Variants in PTGIS observed in about 807,000 individuals in gnomAD.
The protein encoded by PTGIS is prostaglandin I2 synthase, also known as prostacyclin synthase.
PTGIS carries 45 observed loss-of-function variants against 50.3 expected under a neutral mutation model. The observed-to-expected ratio is 0.90, with a 90% CI of 0.70 to 1.15. The LOEUF (loss-of-function observed/expected upper bound fraction) is 1.15. Ranked by LOEUF, PTGIS falls within the 50% of genes most tolerant of loss-of-function variation. PTGIS has a pLI of 0.00. For synonymous variants in PTGIS, 260 were observed against 267.7 expected, an observed-to-expected ratio of 0.97 and a Z score of 0.28; for missense variants, 668 against 661.3, an observed-to-expected ratio of 1.01 and a Z score of -0.11.
intron 4 of PTGIS, 52 bp downstream of exon 4, chr20:49,544,253 A>C: frequency 6.2e-7 from 1 of 1,609,906 alleles, no homozygotes. Context: ...CATGGCTGAC[A>C]CAGGTCAAAG....
chr20:49,509,011 G>A (rs747691449), intron 9 of PTGIS, among the ~76,000 whole-genome samples: 2 of 152,338 alleles, frequency 1.3e-5, no homozygotes, highest in East Asian at 1.9e-4. Flanking sequence ...GGATTCTTTT[G>A]TCTCACTGAA....
At chr20:49,542,067 A>C (rs1424780785) in intron 4 of PTGIS, among the ~76,000 whole-genome samples, 1 of 152,204 alleles carries the variant, frequency 6.6e-6, no homozygotes, top group Non-Finnish European at 1.5e-5. Context: ...CAGCATTCCC[A>C]GGCAAGGGAA....
At chr20:49,560,736 C>A (rs1982750415) in intron 1 of PTGIS, among the ~76,000 whole-genome samples, 1 of 152,094 alleles carries the variant, frequency 6.6e-6, no homozygotes, top group Non-Finnish European at 1.5e-5. Flanking sequence ...GGGGTGGGAG[C>A]ATGCTCGGTG....
In PTGIS at chr20:49,504,896, G is replaced by T. The variant is rs919293582; in HGVS notation, c.*3024C>A. On this transcript the variant is annotated 3_prime_UTR_variant, in exon 10 of 10. Transcript: ENST00000244043. ...TCCCAGCACTTTGGGAGGCCGAGGC[G>T]GGCAGATCACGAGCTCAGGAGATCA... 6.6e-6 allele frequency: 1 copy of T among 151,630 alleles called. No homozygotes were observed. The allele number at this position is 151,630 out of a possible 1,614,324, so 9.4% of individuals were successfully genotyped here. A position where few individuals can be genotyped will look rare whatever the true frequency, so the allele number is the denominator to read the frequency against.
chr20:49,513,345 G>A, intron 7 of PTGIS, 84 bp from the exon 8 acceptor site: 1 of 1,476,254 alleles, frequency 6.8e-7, no homozygotes, highest in Middle Eastern at 2.3e-4. Context: ...TTTTACAGAG[G>A]AAGATGAAGA....
chr20:49,526,045 G>A (rs1276433759), intron 5 of PTGIS, among the ~76,000 whole-genome samples: 1 of 152,172 alleles, frequency 6.6e-6, no homozygotes, highest in Non-Finnish European at 1.5e-5. Context: ...AAAGCAATAA[G>A]CTTAAGTGTT....
intron 6 of PTGIS, among the ~76,000 whole-genome samples, chr20:49,519,127 C>A (rs1001221869): frequency 2.6e-5 from 4 of 152,232 alleles, no homozygotes; most frequent in Non-Finnish European, 5.9e-5. Context: ...GGAAACTCTC[C>A]TCCGTCTGCC....
In PTGIS at chr20:49,507,911, C is replaced by T. The variant is rs1187568174; in HGVS notation, c.*9G>A. ...AGAGGCGAGCACGTGGATCCATCTG[C>T]TCCCTGTGTCATGGGCGGATGCGGT... is the stretch of plus-strand genomic sequence containing the variant. On this transcript the variant is annotated 3_prime_UTR_variant, in exon 10 of 10. Coordinates refer to ENST00000244043, the MANE Select transcript of PTGIS (RefSeq NM_000961.4). The T allele has an allele frequency of 6.2e-7, 1 of 1,610,690 alleles. No individual in the cohort carries two copies. Among genetic ancestry groups the T allele is most frequent in the East Asian group, 2.2e-5 (1 of 44,896 alleles).
At position 49,523,671 on chromosome 20, in the gene PTGIS, C is replaced by T. The variant is rs946642952; in HGVS notation, c.855+387G>A. Among the ~76,000 whole-genome samples, 7 of 151,930 alleles carry T rather than the reference C, an allele frequency of 4.6e-5. No individual in the cohort carries two copies. In the East Asian group the frequency reaches 7.7e-4, roughly 17 times the overall value. On this transcript the variant is annotated intron_variant, in intron 6 of 9. Coordinates refer to ENST00000244043, the MANE Select transcript of PTGIS (RefSeq NM_000961.4). ...GCAGGCAACTGTGGTCCCAGCTACTCGGGAGGCTGAGGCATGAGAATCACT... is the reference window on the plus strand; with the variant it reads ...GCAGGCAACTGTGGTCCCAGCTACTTGGGAGGCTGAGGCATGAGAATCACT...
At chr20:49,528,347 C>T (rs756210250) in intron 5 of PTGIS, among the ~76,000 whole-genome samples, 2 of 152,102 alleles carry the variant, frequency 1.3e-5, no homozygotes, top group Admixed American at 6.5e-5. Flanking sequence ...TGCAGTGGCT[C>T]ACTCCTGTAA....
chr20:49,544,206 C>A lies in PTGIS; in HGVS notation c.521+99G>T, dbSNP rs139776611. 269 of 1,513,446 alleles carry A rather than the reference C, an allele frequency of 1.8e-4. No homozygotes were observed. The African/African-American group carries it at 3.4e-3, about 19-fold the overall frequency. 93.8% of individuals were successfully genotyped at this position (1,513,446 alleles called of 1,614,324 possible). A position where few individuals can be genotyped will look rare whatever the true frequency, so the allele number is the denominator to read the frequency against. On this transcript the variant is annotated intron_variant, in intron 4 of 9. Coordinates refer to ENST00000244043, the MANE Select transcript of PTGIS (RefSeq NM_000961.4). ...TTTGGGTGTCTCAAATTGCTTCCCC[C>A]ACCCACAGAGTCCTCACGGTTCCCT... is the stretch of plus-strand genomic sequence containing the variant.
intron 5 of PTGIS, among the ~76,000 whole-genome samples, chr20:49,532,898 G>A (rs1489140326): frequency 6.6e-6 from 1 of 152,140 alleles, no homozygotes; most frequent in Non-Finnish European, 1.5e-5. Context: ...ACTTGGTATC[G>A]GTAGAAGTTT....
At chr20:49,529,415 T>C (rs1472447864) in intron 5 of PTGIS, among the ~76,000 whole-genome samples, 2 of 152,222 alleles carry the variant, frequency 1.3e-5, no homozygotes, top group African/African-American at 4.8e-5. Context: ...CAAGTTCATC[T>C]ATATTGTTAC....
At chr20:49,551,968 C>A (rs186214914) in intron 1 of PTGIS, among the ~76,000 whole-genome samples, 1 of 151,956 alleles carries the variant, frequency 6.6e-6, no homozygotes, top group African/African-American at 2.4e-5. Flanking sequence ...TTCCTCTTGC[C>A]GCCCTCTGCT....
chr20:49,509,877 CTTTCT>C (rs1312567303), intron 9 of PTGIS, among the ~76,000 whole-genome samples: 2 of 115,200 alleles, frequency 1.7e-5, no homozygotes, highest in African/African-American at 7.5e-5. Context: ...TTCTTTCTTT[CTTTCT>C]TTTTTTTTTT....
intron 1 of PTGIS, among the ~76,000 whole-genome samples, chr20:49,557,257 C>T (rs768152596): frequency 6.6e-6 from 1 of 152,114 alleles, no homozygotes; most frequent in Non-Finnish European, 1.5e-5. Flanking sequence ...ACCGGAGATT[C>T]ATTTTCTTCT....
In PTGIS at chr20:49,504,937, A is replaced by C. The variant is rs5609; in HGVS notation, c.*2983T>G. On this transcript the variant is annotated 3_prime_UTR_variant, in exon 10 of 10. Transcript: ENST00000244043. ...CAGGAGATCAAGACCATCCTGGCTA[A>C]TACGGTGAAATCCCATCTCTACTAA... The C allele has an allele frequency of 6.6e-6, 1 of 151,920 alleles. No individual in the cohort carries two copies. The highest frequency in any genetic ancestry group is 1.5e-5 in the Non-Finnish European group (1 of 68,022). 9.4% of individuals were successfully genotyped at this position (151,920 alleles called of 1,614,324 possible).
intron 6 of PTGIS, among the ~76,000 whole-genome samples, chr20:49,516,086 T>C (rs1981467274): frequency 6.7e-6 from 1 of 150,304 alleles, no homozygotes; most frequent in African/African-American, 2.5e-5. Flanking sequence ...TCCCTATGTT[T>C]CCCAGGCTGA....
intron 4 of PTGIS, among the ~76,000 whole-genome samples, chr20:49,541,552 T>C (rs1322214574): frequency 2.0e-5 from 3 of 151,996 alleles, no homozygotes; most frequent in African/African-American, 7.2e-5. Flanking sequence ...GCCAACATGG[T>C]GAAACCCCCT....
Sources: gnomAD v4.1 joint callset for allele counts (sites outside exome capture counted in the v4.1 genomes callset) on GRCh38, gnomAD v4.1.1 for gene constraint, MANE v1.5 for transcripts, NCBI Gene and HGNC (gene_info 2026-07-23, HGNC 2026-07-21) for gene names.